Variants in ARL2 observed in about 807,000 individuals in gnomAD.
ARL2 encodes the protein ADP-ribosylation factor-like protein 2.
Under a neutral mutation model 22.0 loss-of-function variants are expected in ARL2, and 11 were observed. The observed-to-expected ratio is 0.50, with a 90% confidence interval of 0.31 to 0.83. The LOEUF (loss-of-function observed/expected upper bound fraction) is 0.83. Ranked by LOEUF, ARL2 falls within the 40% of genes least tolerant of loss-of-function variation. The pLI is 0.04. For missense variants in ARL2, 216 were observed against 243.2 expected, an observed-to-expected ratio of 0.89 and a Z score of 0.74; for synonymous variants, 111 against 100.8, an observed-to-expected ratio of 1.10 and a Z score of -0.61.
At chr11:65,019,235 G>A (rs1436477520) in intron 3 of ARL2, 3 of 191,454 alleles carry the variant, frequency 1.6e-5, no homozygotes, top group African/African-American at 5.0e-5. Flanking sequence ...GCAAGACCCT[G>A]TCTCAAAAAA....
chr11:65,018,465 A>G lies in ARL2; in HGVS notation c.167A>G (p.Glu56Gly). ...PTLGFNIKTL[E>G]HRGFKLNIWD... The stretch of plus-strand genomic sequence containing the variant: ...CTGGGCTTCAACATCAAGACCCTGG[A>G]GCACCGAGGGTGAGCAGGGGCCCCA... Residue 56 changes from glutamate to glycine, a missense_variant, in exon 2 of 5, where the codon GAG (glutamate) becomes GGG (glycine). Coordinates refer to ENST00000246747, the MANE Select transcript of ARL2 (RefSeq NM_001667.4). This position sits in a 1 kb window ranked among gnomAD's most constrained non-coding sequence, Gnocchi z 4.2. The G allele has an allele frequency of 6.2e-7, 1 of 1,607,686 alleles. No individual in the cohort carries two copies. The highest frequency in any genetic ancestry group is 8.5e-7 in the Non-Finnish European group (1 of 1,177,360).
chr11:65,021,952 TC>T lies in ARL2; in HGVS notation c.*102del. 2.7e-6 allele frequency: 4 copies of T among 1,466,604 alleles called. No homozygotes were observed. The highest frequency in any genetic ancestry group is 1.4e-5 in the African/African-American group (1 of 71,930). 90.8% of individuals were successfully genotyped at this position (1,466,604 alleles called of 1,614,324 possible). ...GGGAGTCAGCCGGCCAAACTAACACTCCCCCTCCTCCACCCCAGCCTGCTGC... is the reference window on the plus strand; with the variant it reads ...GGGAGTCAGCCGGCCAAACTAACACTCCCCTCCTCCACCCCAGCCTGCTGC... On this transcript the variant is annotated 3_prime_UTR_variant, in exon 5 of 5. Coordinates refer to ENST00000246747, the MANE Select transcript of ARL2 (RefSeq NM_001667.4).
At position 65,014,265 on chromosome 11, in the gene ARL2, C is replaced by G; in HGVS notation, c.58C>G (p.Leu20Val). The G allele has an allele frequency of 1.3e-6, 2 of 1,569,768 alleles. No individual in the cohort carries two copies. The highest frequency in any genetic ancestry group is 1.7e-6 in the Non-Finnish European group (2 of 1,162,004). The change falls in exon 1 of 5, where the codon CTC (leucine) becomes GTC (valine). Residue 20 changes from leucine (L) to valine (V), a missense_variant. Physicochemically the swap from Leu to Val is conservative, Grantham distance 32 (BLOSUM62 1). Coordinates refer to ENST00000246747, the MANE Select transcript of ARL2 (RefSeq NM_001667.4). ...GCAGAAAGAGCGGGAGCTGCGACTG[C>G]TCATGCTGTATCCTACCGGACGCCG... ...MKQKERELRL[L>V]MLGLDNAGKT...
intron 3 of ARL2, chr11:65,019,690 A>T (rs1012917461): frequency 1.3e-4 from 20 of 152,648 alleles, no homozygotes; most frequent in African/African-American, 4.8e-4. Context: ...TTAATTACAG[A>T]TTTTATTTGA....
At chr11:65,014,525 G>A (rs1946225193) in intron 1 of ARL2, among the ~76,000 whole-genome samples, 1 of 152,174 alleles carries the variant, frequency 6.6e-6, no homozygotes, top group Non-Finnish European at 1.5e-5. Flanking sequence ...CCGAGTGTCA[G>A]GGGTGGTGGG....
chr11:65,014,511 C>T (rs900484087), intron 1 of ARL2, among the ~76,000 whole-genome samples: 4 of 152,204 alleles, frequency 2.6e-5, no homozygotes, highest in South Asian at 4.1e-4. Flanking sequence ...CGGGGCTAGG[C>T]GGCCCGAGTG....
At chr11:65,017,336 T>C (rs1946269696) in intron 1 of ARL2, among the ~76,000 whole-genome samples, 1 of 151,702 alleles carries the variant, frequency 6.6e-6, no homozygotes, top group South Asian at 2.1e-4. Context: ...GCTGGGACTA[T>C]AGGGGCCCGC....
intron 1 of ARL2, among the ~76,000 whole-genome samples, chr11:65,016,621 G>A (rs549066151): frequency 1.3e-5 from 2 of 152,204 alleles, no homozygotes; most frequent in East Asian, 1.9e-4. Flanking sequence ...GGAGGAGCAG[G>A]TTCAGGGTGG....
Position 65,021,706 on chromosome 11 carries a change from C to T in ARL2, c.421-15C>T. 3 of 1,590,588 alleles carry T rather than the reference C, an allele frequency of 1.9e-6. No homozygotes were observed. The highest frequency in any genetic ancestry group is 1.7e-6 in the Non-Finnish European group (2 of 1,168,932). On this transcript the variant is annotated splice_polypyrimidine_tract_variant and intron_variant, in intron 4 of 4. Coordinates refer to ENST00000246747, the MANE Select transcript of ARL2 (RefSeq NM_001667.4). ...CAGTCACTGGCCACCACCATCAGCACCTTTGTCCTCCCAGGTCCTGGAGCT... is the reference window on the plus strand; with the variant it reads ...CAGTCACTGGCCACCACCATCAGCATCTTTGTCCTCCCAGGTCCTGGAGCT...
chr11:65,015,588 C>T lies in ARL2; in HGVS notation c.65+1316C>T, dbSNP rs1946241842. On this transcript the variant is annotated intron_variant, in intron 1 of 4. Transcript: ENST00000246747. ...GTGTGTGTGTGTGGCGGGGGGGTTG[C>T]CCGCGGGTAGAAAGATGATAACACA... 2.0e-5 allele frequency among the ~76,000 whole-genome samples: 3 copies of T among 151,940 alleles called. No homozygotes were observed. The South Asian group carries it at 6.2e-4, about 31-fold the overall frequency.
rs113805113 is a variant in ARL2 at position 65,019,107 on chromosome 11, C to T, written c.339+374C>T. ...GTGACCTCAGCTGGGGGTGGTGGCA[C>T]GCACCTATAGTCCTAGCTACTCTGG... On this transcript the variant is annotated intron_variant, in intron 3 of 4. Transcript: ENST00000246747. 4.2e-3 allele frequency: 1,852 copies of T among 440,290 alleles called. 31 individuals are homozygous for T. Among genetic ancestry groups the T allele is most frequent in the African/African-American group, 0.035 (1,688 of 48,534 alleles). 27.3% of individuals were successfully genotyped at this position (440,290 alleles called of 1,614,324 possible). A position where few individuals can be genotyped will look rare whatever the true frequency, so the allele number is the denominator to read the frequency against.
chr11:65,016,279 G>T (rs897242778), intron 1 of ARL2, among the ~76,000 whole-genome samples: 7 of 138,312 alleles, frequency 5.1e-5, no homozygotes, highest in African/African-American at 1.8e-4. Context: ...GGGGGGGGGG[G>T]AAACTTTAAA....
In ARL2 at chr11:65,018,834, G is replaced by T; in HGVS notation, c.339+101G>T. The T allele has an allele frequency of 6.4e-7, 1 of 1,556,008 alleles. No individual in the cohort carries two copies. The highest frequency in any genetic ancestry group is 8.6e-7 in the Non-Finnish European group (1 of 1,156,626). The stretch of plus-strand genomic sequence containing the variant: ...GGCCCCAGAGGGAAACCAGAGGCAG[G>T]ATCCCTTCCTTCTCTGGGCCCCCAC... On this transcript the variant is annotated intron_variant, in intron 3 of 4. Coordinates refer to ENST00000246747, the MANE Select transcript of ARL2 (RefSeq NM_001667.4). The surrounding 1 kb of genome is among the most constrained non-coding windows in gnomAD (Gnocchi z 4.2).
chr11:65,014,298 G>C, intron 1 of ARL2, 26 bp downstream of exon 1: 1 of 1,528,508 alleles, frequency 6.5e-7, no homozygotes, highest in Non-Finnish European at 8.7e-7. Context: ...CCGGAACCGC[G>C]AGGGTGGCGG....
Position 65,018,852 on chromosome 11 carries a change from G to A in ARL2, c.339+119G>A, listed in dbSNP as rs1946292061. The A allele has an allele frequency of 6.5e-7, 1 of 1,541,840 alleles. No individual in the cohort carries two copies. Among genetic ancestry groups the A allele is most frequent in the Non-Finnish European group, 8.7e-7 (1 of 1,149,756 alleles). The stretch of plus-strand genomic sequence containing the variant: ...GAGGCAGGATCCCTTCCTTCTCTGG[G>A]CCCCCACCATGGGAGGCCCATGGTG... On this transcript the variant is annotated intron_variant, in intron 3 of 4. Coordinates refer to ENST00000246747, the MANE Select transcript of ARL2 (RefSeq NM_001667.4). This position sits in a 1 kb window ranked among gnomAD's most constrained non-coding sequence, Gnocchi z 4.2.
intron 4 of ARL2, chr11:65,021,425 T>TGA: frequency 2.9e-6 from 1 of 343,154 alleles, no homozygotes. Flanking sequence ...GGAGAATGAG[T>TGA]GAGAGAGGGT....
rs1271110058 is a variant in ARL2, at chr11:65,018,848, C to G, written c.339+115C>G. On this transcript the variant is annotated intron_variant, in intron 3 of 4. Coordinates refer to ENST00000246747, the MANE Select transcript of ARL2 (RefSeq NM_001667.4). This position sits in a 1 kb window ranked among gnomAD's most constrained non-coding sequence, Gnocchi z 4.2. ...ACCAGAGGCAGGATCCCTTCCTTCT[C>G]TGGGCCCCCACCATGGGAGGCCCAT... 2 of 1,543,956 alleles carry G rather than the reference C, an allele frequency of 1.3e-6. No individual in the cohort carries two copies. Among genetic ancestry groups the G allele is most frequent in the African/African-American group, 2.7e-5 (2 of 73,466 alleles).
At position 65,018,012 on chromosome 11, in the gene ARL2, G is replaced by A. The variant is rs951008256; in HGVS notation, c.66-352G>A. Among the ~76,000 whole-genome samples the A allele has an allele frequency of 6.6e-6, 1 of 152,218 alleles. No homozygotes were observed. The highest frequency in any genetic ancestry group is 6.5e-5 in the Admixed American group (1 of 15,280). ...GGCCCTCTTGGAAAGCCTCTCTGTT[G>A]TGTTGATGGCGCTAGCCGGGATCTG... On this transcript the variant is annotated intron_variant, in intron 1 of 4. Transcript: ENST00000246747. The surrounding 1 kb of genome is among the most constrained non-coding windows in gnomAD (Gnocchi z 4.2).
chr11:65,014,794 T>G (rs887457979), intron 1 of ARL2, among the ~76,000 whole-genome samples: 1 of 152,198 alleles, frequency 6.6e-6, no homozygotes, highest in East Asian at 1.9e-4. Flanking sequence ...TGTGTGTGTG[T>G]GGGCCCGAGT....
Sources: allele counts gnomAD v4.1 joint callset (sites outside exome capture counted in the v4.1 genomes callset), GRCh38; gene constraint gnomAD v4.1.1; non-coding constraint Gnocchi (gnomAD v3.1); transcripts MANE v1.5; gene names NCBI Gene and HGNC (gene_info 2026-07-23, HGNC 2026-07-21).